The following RBFOX1 variants were observed in gnomAD, a reference collection of about 807,000 sequenced individuals.
RBFOX1 encodes RNA binding fox-1 homolog 1.
Under a neutral mutation model 57.7 loss-of-function variants are expected in RBFOX1, and 8 were observed. The observed-to-expected ratio is 0.14, with a 90% CI of 0.08 to 0.25. The LOEUF (loss-of-function observed/expected upper bound fraction) is 0.25. Ranked by LOEUF, RBFOX1 falls within the 10% of genes least tolerant of loss-of-function variation. The probability of loss-of-function intolerance (pLI) is 1.00; values close to 1 mark genes in which losing one functional copy is unlikely to be tolerated. For synonymous variants in RBFOX1, 326 were observed against 222.4 expected, an observed-to-expected ratio of 1.47 and a Z score of -4.15; for missense variants, 611 against 548.5, an observed-to-expected ratio of 1.11 and a Z score of -1.14.
chr16:6,349,727 A>T (rs1240510587), intron 2 of RBFOX1, among the ~76,000 whole-genome samples: 1 of 152,236 alleles, frequency 6.6e-6, no homozygotes, highest in Non-Finnish European at 1.5e-5. Flanking sequence ...CCATGAAAAA[A>T]AGAGTAACAT....
intron 3 of RBFOX1, among the ~76,000 whole-genome samples, chr16:5,833,643 G>C (rs2151831978): frequency 6.6e-6 from 1 of 152,220 alleles, no homozygotes; most frequent in East Asian, 1.9e-4. Context: ...TTAATTGAAA[G>C]ATAAGGATGA....
chr16:5,715,975 A>G (rs1353215362), intron 3 of RBFOX1, among the ~76,000 whole-genome samples: 59 of 152,180 alleles, frequency 3.9e-4, no homozygotes, highest in Non-Finnish European at 1.2e-4. Context: ...AGTATCTAAT[A>G]ATTCTCTCAT....
At chr16:7,293,445 A>G (rs1166132945) in intron 4 of RBFOX1, among the ~76,000 whole-genome samples, 1 of 152,196 alleles carries the variant, frequency 6.6e-6, no homozygotes, top group Admixed American at 6.5e-5. Flanking sequence ...TGAGAATCAC[A>G]TCTTCCATTC....
intron 5 of RBFOX1, among the ~76,000 whole-genome samples, chr16:7,534,770 C>T (rs1378341992): frequency 2.6e-5 from 2 of 75,550 alleles, no homozygotes; most frequent in East Asian, 2.7e-4. Context: ...TCCTAATGAG[C>T]AGGATCCAGG....
chr16:7,615,149 C>T (rs765733508), intron 10 of RBFOX1, among the ~76,000 whole-genome samples: 14 of 152,064 alleles, frequency 9.2e-5, no homozygotes, highest in East Asian at 1.9e-4. Flanking sequence ...CTGGCTAATA[C>T]GGTGAAACCC....
At chr16:5,499,614 C>T (rs1199432888) in intron 2 of RBFOX1, among the ~76,000 whole-genome samples, 1 of 151,360 alleles carries the variant, frequency 6.6e-6, no homozygotes, top group Non-Finnish European at 1.5e-5. Flanking sequence ...GCTGTATCGT[C>T]CAGGCTGGAG....
chr16:6,432,171 G>A (rs554970391), intron 2 of RBFOX1, among the ~76,000 whole-genome samples: 2 of 151,990 alleles, frequency 1.3e-5, no homozygotes. Flanking sequence ...GGTCTGACTA[G>A]TTTTCTAGGC....
chr16:6,967,957 G>T (rs977586897), intron 3 of RBFOX1, among the ~76,000 whole-genome samples: 1 of 152,124 alleles, frequency 6.6e-6, no homozygotes, highest in Non-Finnish European at 1.5e-5. Flanking sequence ...GGATAAAAAC[G>T]CTCGGGGAGA....
chr16:6,125,614 T>G (rs1025424921), intron 1 of RBFOX1, among the ~76,000 whole-genome samples: 4 of 152,196 alleles, frequency 2.6e-5, no homozygotes, highest in Non-Finnish European at 4.4e-5. Context: ...CCAAAGCAGA[T>G]GCAGCCTCAT....
intron 3 of RBFOX1, among the ~76,000 whole-genome samples, chr16:7,003,518 C>T (rs980878788): frequency 6.6e-6 from 1 of 151,272 alleles, no homozygotes; most frequent in Admixed American, 6.6e-5. Flanking sequence ...CTGTTAAATC[C>T]TGCTCTCAGG....
At chr16:6,969,860 A>G (rs562132573) in intron 3 of RBFOX1, among the ~76,000 whole-genome samples, 1 of 152,154 alleles carries the variant, frequency 6.6e-6, no homozygotes, top group Non-Finnish European at 1.5e-5. Flanking sequence ...TGTGTGAACC[A>G]TTGTACTAAT....
chr16:7,046,468 C>G (rs1426952488), intron 3 of RBFOX1, among the ~76,000 whole-genome samples: 2 of 152,110 alleles, frequency 1.3e-5, no homozygotes, highest in Admixed American at 1.3e-4. Flanking sequence ...ACAATTTATA[C>G]ATACATTAAA....
chr16:6,462,209 C>T (rs71392477), intron 2 of RBFOX1, among the ~76,000 whole-genome samples: 1 of 152,160 alleles, frequency 6.6e-6, no homozygotes, highest in Non-Finnish European at 1.5e-5. Context: ...GGCCTCCTCC[C>T]CATCTACCTT....
At chr16:5,502,948 TACA>T (rs757396068) in intron 2 of RBFOX1, among the ~76,000 whole-genome samples, 81 of 152,358 alleles carry the variant, frequency 5.3e-4, no homozygotes, top group Non-Finnish European at 1.0e-3. Context: ...CTGATCTTGC[TACA>T]ACGATTGCTT....
chr16:6,174,128 T>G (rs993177361), intron 1 of RBFOX1, among the ~76,000 whole-genome samples: 5 of 152,188 alleles, frequency 3.3e-5, no homozygotes, highest in African/African-American at 1.2e-4. Context: ...CTGTCTGACT[T>G]GGTTTGCACT....
Position 7,616,699 on chromosome 16 carries a change from CTT to C in RBFOX1, c.676+9364_676+9365del, listed in dbSNP as rs550112969. On this transcript the variant is annotated intron_variant, in intron 10 of 15. Coordinates refer to ENST00000550418, the MANE Select transcript of RBFOX1 (RefSeq NM_018723.4). ...GGTGCCCGCCACCACACCCAGCTAA[CTT>C]TTGTATTTTTAGTAGAGATGGGCTT... Among the ~76,000 whole-genome samples the C allele has an allele frequency of 2.0e-5, 3 of 152,174 alleles. No individual in the cohort carries two copies. The South Asian group carries it at 6.2e-4, about 32-fold the overall frequency.
chr16:5,455,878 T>C (rs187428838), intron 1 of RBFOX1, among the ~76,000 whole-genome samples: 6 of 152,292 alleles, frequency 3.9e-5, no homozygotes, highest in Admixed American at 3.9e-4. Flanking sequence ...AAAATTAGCC[T>C]TTGACTATAT....
chr16:5,984,561 A>G lies in RBFOX1; in HGVS notation c.351+117226A>G, dbSNP rs1170858346. ...AATTACTTACCTAACCCTTGGAACA[A>G]TCTTATGAGAGAATAGTAACTGCAC... On this transcript the variant is annotated intron_variant, in intron 4 of 19. Coordinates refer to the RBFOX1 transcript ENST00000641259. Among the ~76,000 whole-genome samples the G allele has an allele frequency of 5.9e-5, 9 of 152,080 alleles. 1 individual carries two copies. Among genetic ancestry groups the G allele is most frequent in the Admixed American group, 5.9e-4 (9 of 15,264 alleles).
At chr16:7,686,075 CA>C (rs1281709190) in intron 14 of RBFOX1, among the ~76,000 whole-genome samples, 1 of 151,646 alleles carries the variant, frequency 6.6e-6, no homozygotes, top group Non-Finnish European at 1.5e-5. Context: ...TGTGAGAATC[CA>C]TTGCTGTCAT....
Sources: gnomAD v4.1 joint callset for allele counts (sites outside exome capture counted in the v4.1 genomes callset) on GRCh38, gnomAD v4.1.1 for gene constraint, MANE v1.5 for transcripts, NCBI Gene and HGNC (gene_info 2026-07-23, HGNC 2026-07-21) for gene names.